Variants in UBR2 observed in about 807,000 individuals in gnomAD.
The protein encoded by UBR2 is ubiquitin protein ligase E3 component n-recognin 2.
UBR2 carries 92 observed loss-of-function variants against 247.9 expected under a neutral mutation model. The observed-to-expected ratio is 0.37, with a 90% CI of 0.31 to 0.44. The LOEUF (loss-of-function observed/expected upper bound fraction) is 0.44. Ranked by LOEUF, UBR2 falls within the 20% of genes least tolerant of loss-of-function variation. UBR2 has a pLI of 1.00. For missense variants in UBR2, 1,613 were observed against 2,112.6 expected, an observed-to-expected ratio of 0.76 and a Z score of 4.64; for synonymous variants, 672 against 693.5, an observed-to-expected ratio of 0.97 and a Z score of 0.49.
intron 4 of UBR2, among the ~76,000 whole-genome samples, chr6:42,595,159 G>A (rs1792889344): frequency 6.6e-6 from 1 of 152,076 alleles, no homozygotes; most frequent in African/African-American, 2.4e-5. Context: ...TTTGGTTTTG[G>A]AAACCTTCAC....
Position 42,612,241 on chromosome 6 carries a change from AT to A in UBR2, c.939del (p.Phe313LeufsTer3). 2 of 1,545,056 alleles carry A rather than the reference AT, an allele frequency of 1.3e-6. No homozygotes were observed. Among genetic ancestry groups the A allele is most frequent in the Non-Finnish European group, 1.8e-6 (2 of 1,130,906 alleles). On this transcript the variant is annotated frameshift_variant, in exon 8 of 47. Transcript: ENST00000372901. LOFTEE classifies it high-confidence loss of function. ...CATTCGTCTATTGTCGCACATCAGAATTTTGGTTTGAAACTTTTGTCTTGGC... is the reference window on the plus strand; with the variant it reads ...CATTCGTCTATTGTCGCACATCAGAATTTGGTTTGAAACTTTTGTCTTGGC... ...VMHSSIVAHQ[N>X]FGLKLLSWLG...
In UBR2 at chr6:42,594,258, A is replaced by C; in HGVS notation, c.485A>C (p.Tyr162Ser). 1 of 1,613,058 alleles carries C rather than the reference A, an allele frequency of 6.2e-7. No homozygotes were observed. The highest frequency in any genetic ancestry group is 8.5e-7 in the Non-Finnish European group (1 of 1,179,270). ...ACTGAAGCCTGGAAAGAGGGTCCTT[A>C]CTGTCAAAAACATGAACTTAACACC... is the stretch of plus-strand genomic sequence containing the variant. ...GDTEAWKEGP[Y>S]CQKHELNTSE... The change falls in exon 4 of 47, where the codon TAC becomes TCC. Residue 162 changes from tyrosine (Y) to serine (S), a missense_variant. Transcript: ENST00000372901.
chr6:42,603,274 T>C (rs924023765), intron 4 of UBR2, among the ~76,000 whole-genome samples: 5 of 152,186 alleles, frequency 3.3e-5, no homozygotes, highest in African/African-American at 1.2e-4. Flanking sequence ...AGCTATAAAA[T>C]TGGTTTGATG....
chr6:42,686,646 C>T (rs562761717), intron 44 of UBR2, among the ~76,000 whole-genome samples: 7 of 152,072 alleles, frequency 4.6e-5, no homozygotes, highest in East Asian at 3.9e-4. Context: ...ACTTCCCAGA[C>T]GGGGCAGCCG....
chr6:42,670,140 T>G lies in UBR2; in HGVS notation c.3930T>G (p.Thr1310=). The G allele has an allele frequency of 5.6e-6, 9 of 1,614,212 alleles. No homozygotes were observed. Among genetic ancestry groups the G allele is most frequent in the Non-Finnish European group, 7.6e-6 (9 of 1,180,040 alleles). ...AAGAAATGCTAACGACATTTGGAAC[T>G]GCTACCTACAAGGTGGGACTAAAGG... ...SIKEMLTTFG[T]ATYKVGLKVH... The change falls in exon 35 of 47, where the codon ACT becomes ACG. Residue 1310 remains threonine, a synonymous_variant. Coordinates refer to ENST00000372901, the MANE Select transcript of UBR2 (RefSeq NM_001363705.2).
Position 42,632,475 on chromosome 6 carries a change from A to G in UBR2, c.1282-77A>G, listed in dbSNP as rs138815329. ...AGGTTTAAACTGAAGGAGCTAAACA[A>G]TGTTGGTGACTTTTTTTTTAGTCTT... On this transcript the variant is annotated intron_variant, in intron 11 of 46. Transcript: ENST00000372901. 5.8e-3 allele frequency: 7,652 copies of G among 1,325,718 alleles called. 28 individuals are homozygous for G. Among genetic ancestry groups the G allele is most frequent in the Non-Finnish European group, 6.3e-3 (6,329 of 1,000,862 alleles). The allele number at this position is 1,325,718 out of a possible 1,614,324, so 82.1% of individuals were successfully genotyped here.
chr6:42,648,088 A>G lies in UBR2; in HGVS notation c.2410-30A>G, dbSNP rs538439655. 8.1e-6 allele frequency: 13 copies of G among 1,600,154 alleles called. No individual in the cohort carries two copies. The Admixed American group carries it at 1.2e-4, about 14-fold the overall frequency. The stretch of plus-strand genomic sequence containing the variant: ...AAGAGTGCTAGTAGTTATTATTAAC[A>G]TGAAACACACTTGTGTCCTGTACCT... On this transcript the variant is annotated intron_variant, in intron 21 of 46. Transcript: ENST00000372901.
intron 1 of UBR2, among the ~76,000 whole-genome samples, chr6:42,565,867 G>GT (rs1406713622): frequency 6.6e-6 from 1 of 151,862 alleles, no homozygotes; most frequent in South Asian, 2.1e-4. Flanking sequence ...GCCTTGGTGT[G>GT]TTTTTTTAAA....
At chr6:42,656,014 A>G (rs1167289628) in intron 26 of UBR2, among the ~76,000 whole-genome samples, 1 of 152,204 alleles carries the variant, frequency 6.6e-6, no homozygotes, top group African/African-American at 2.4e-5. Flanking sequence ...CATTTCATAT[A>G]AAGAAATGTG....
intron 36 of UBR2, among the ~76,000 whole-genome samples, chr6:42,673,161 A>G (rs73424448): frequency 0.024 from 3,670 of 152,240 alleles, 139 homozygotes; most frequent in African/African-American, 0.084. Context: ...CCATCTTCTT[A>G]GACAGTTTCC....
In UBR2 at chr6:42,692,370, GCTTTTTATT is replaced by G. The variant is rs1405224051; in HGVS notation, c.*1204_*1212del. 6.6e-6 allele frequency: 1 copy of G among 152,130 alleles called. No individual in the cohort carries two copies. The highest frequency in any genetic ancestry group is 1.5e-5 in the Non-Finnish European group (1 of 68,018). 9.4% of individuals were successfully genotyped at this position (152,130 alleles called of 1,614,324 possible). On this transcript the variant is annotated 3_prime_UTR_variant, in exon 47 of 47. Transcript: ENST00000372901. The stretch of plus-strand genomic sequence containing the variant: ...ATTCCTGGGATGGTCTGGCACCCAG[GCTTTTTATT>G]CTTTTTGATCATTGTTCTTACTGAG...
chr6:42,652,162 A>G, intron 24 of UBR2, 91 bp downstream of exon 24: 2 of 1,229,706 alleles, frequency 1.6e-6, no homozygotes, highest in Non-Finnish European at 2.3e-6. Context: ...CCTTGGTGGA[A>G]TGAATATTTA....
chr6:42,602,435 C>A (rs1309699094), intron 4 of UBR2, among the ~76,000 whole-genome samples: 1 of 151,932 alleles, frequency 6.6e-6, no homozygotes, highest in Non-Finnish European at 1.5e-5. Context: ...ATCTCCTGAC[C>A]TCGCGATCCG....
Position 42,691,060 on chromosome 6 carries a change from G to A in UBR2, c.5155G>A (p.Glu1719Lys). ...RRGNPLHLCK[E>K]RFKKIQKLWH... ...GGGAAATCCTTTACATTTATGCAAAGAGCGATTCAAGAAGATTCAGAAGCT... is the reference window on the plus strand; with the variant it reads ...GGGAAATCCTTTACATTTATGCAAAAAGCGATTCAAGAAGATTCAGAAGCT... Residue 1719 changes from glutamate (E) to lysine (K), a missense_variant, in exon 47 of 47, where the codon GAG becomes AAG. Glu to Lys is a moderately conservative substitution (Grantham distance 56). This residue lies in a region of UBR2 where 80 missense variants were observed against 108.6 expected (regional missense o/e 0.74). Coordinates refer to ENST00000372901, the MANE Select transcript of UBR2 (RefSeq NM_001363705.2). 1 of 1,614,150 alleles carries A rather than the reference G, an allele frequency of 6.2e-7. No homozygotes were observed. The highest frequency in any genetic ancestry group is 1.6e-4 in the Middle Eastern group (1 of 6,062).
Position 42,673,926 on chromosome 6 carries a change from ATCC to A in UBR2, c.4183+42_4183+44del. 6.5e-6 allele frequency: 10 copies of A among 1,542,742 alleles called. No homozygotes were observed. The Middle Eastern group carries it at 5.5e-4, about 85-fold the overall frequency. The stretch of plus-strand genomic sequence containing the variant: ...CATTTATAACATGTTGTAATTTTTC[ATCC>A]TCTGAAATTTTGTTTTTAATGGTAC... On this transcript the variant is annotated intron_variant, in intron 37 of 46. Coordinates refer to ENST00000372901, the MANE Select transcript of UBR2 (RefSeq NM_001363705.2).
chr6:42,668,528 AT>A (rs1245332101), intron 34 of UBR2, among the ~76,000 whole-genome samples: 1 of 150,928 alleles, frequency 6.6e-6, no homozygotes, highest in Non-Finnish European at 1.5e-5. Context: ...CAACCTCTGC[AT>A]CCCGGATTCA....
intron 2 of UBR2, among the ~76,000 whole-genome samples, chr6:42,581,155 A>G (rs1791870927): frequency 6.7e-6 from 1 of 149,900 alleles, no homozygotes; most frequent in South Asian, 2.1e-4. Flanking sequence ...CTAGGATCAC[A>G]TGTGTCTGTC....
At chr6:42,579,288 A>G (rs896357578) in intron 2 of UBR2, among the ~76,000 whole-genome samples, 1 of 152,118 alleles carries the variant, frequency 6.6e-6, no homozygotes, top group Non-Finnish European at 1.5e-5. Context: ...TTAAACAACC[A>G]GAGCTCACAA....
chr6:42,616,868 G>A (rs367870962), intron 10 of UBR2, among the ~76,000 whole-genome samples: 19 of 152,242 alleles, frequency 1.2e-4, no homozygotes, highest in East Asian at 5.8e-4. Flanking sequence ...GTATGCTTTG[G>A]AAGAGTCATC....
Sources: gnomAD v4.1 joint callset for allele counts (sites outside exome capture counted in the v4.1 genomes callset) on GRCh38, gnomAD v4.1.1 for gene constraint, gnomAD v4.1.1 regional missense constraint, MANE v1.5 for transcripts, NCBI Gene and HGNC (gene_info 2026-07-23, HGNC 2026-07-21) for gene names.